The following NELL1 variants were observed in gnomAD, a reference collection of about 807,000 sequenced individuals.
NELL1 encodes the protein neural EGFL like 1, also known as protein kinase C-binding protein NELL1.
Under a neutral mutation model 107.4 loss-of-function variants are expected in NELL1, and 76 were observed. The ratio of observed to expected loss-of-function variants is 0.71; its 90% CI spans 0.59 to 0.86. The LOEUF (loss-of-function observed/expected upper bound fraction) is 0.86. Ranked by LOEUF, NELL1 falls within the 40% of genes least tolerant of loss-of-function variation. NELL1 has a pLI of 0.00. For missense variants in NELL1, 1,024 were observed against 1,005.5 expected, an observed-to-expected ratio of 1.02 and a Z score of -0.25; for synonymous variants, 353 against 341.2, an observed-to-expected ratio of 1.03 and a Z score of -0.38.
At chr11:20,751,198 T>A in intron 2 of NELL1, among the ~76,000 whole-genome samples, 1 of 152,132 alleles carries the variant, frequency 6.6e-6, no homozygotes, top group East Asian at 1.9e-4. Flanking sequence ...TGACTGCTTT[T>A]CTCTTCTAGG....
At chr11:20,799,844 C>T (rs1166420014) in intron 3 of NELL1, among the ~76,000 whole-genome samples, 1 of 152,058 alleles carries the variant, frequency 6.6e-6, no homozygotes, top group Non-Finnish European at 1.5e-5. Context: ...TTTTTTTAGC[C>T]CATATCCCCC....
chr11:20,979,797 C>T (rs990884798), intron 12 of NELL1, among the ~76,000 whole-genome samples: 1 of 152,208 alleles, frequency 6.6e-6, no homozygotes, highest in Admixed American at 6.5e-5. Context: ...TGAGCCTCTT[C>T]ATTTACAATG....
At chr11:20,708,062 A>T (rs1253005647) in intron 2 of NELL1, among the ~76,000 whole-genome samples, 1 of 152,208 alleles carries the variant, frequency 6.6e-6, no homozygotes, top group Non-Finnish European at 1.5e-5. Context: ...CCCCTCTCCC[A>T]GCCTCGCTGC....
chr11:21,373,913 T>C (rs1851410196), intron 15 of NELL1, among the ~76,000 whole-genome samples: 1 of 152,080 alleles, frequency 6.6e-6, no homozygotes, highest in Non-Finnish European at 1.5e-5. Context: ...GGAGTAGTTT[T>C]GCCACTCTTA....
chr11:21,221,579 G>A (rs1194815288), intron 13 of NELL1, among the ~76,000 whole-genome samples: 1 of 152,100 alleles, frequency 6.6e-6, no homozygotes, highest in Non-Finnish European at 1.5e-5. Context: ...GGTCTGTCCA[G>A]TTTTCCTATT....
At chr11:21,490,390 TC>T (rs1854769873) in intron 15 of NELL1, among the ~76,000 whole-genome samples, 1 of 144,504 alleles carries the variant, frequency 6.9e-6, no homozygotes, top group Admixed American at 7.1e-5. Flanking sequence ...TTCAATTCAA[TC>T]CCTATCGAAA....
rs367585890 is a variant in NELL1, at chr11:20,704,044, A to G, written c.184+25984A>G. On this transcript the variant is annotated intron_variant, in intron 2 of 19. Transcript: ENST00000357134. ...TCCGCTTGGTGTAGAGCTGAGTTCA[A>G]TTCCCGGGTATCCTTGTTAACTCTC... Among the ~76,000 whole-genome samples, 13 of 151,688 alleles carry G rather than the reference A, an allele frequency of 8.6e-5. No homozygotes were observed. In the South Asian group the frequency reaches 2.7e-3, roughly 32 times the overall value.
At chr11:21,131,273 G>A (rs1460233747) in intron 13 of NELL1, among the ~76,000 whole-genome samples, 1 of 152,044 alleles carries the variant, frequency 6.6e-6, no homozygotes, top group Non-Finnish European at 1.5e-5. Context: ...ATAGTTGTTT[G>A]GATTATTTAT....
intron 13 of NELL1, among the ~76,000 whole-genome samples, chr11:21,137,431 T>A (rs965764227): frequency 1.3e-5 from 2 of 152,204 alleles, no homozygotes; most frequent in African/African-American, 4.8e-5. Context: ...AATTCCATTG[T>A]ATTTGGCAAG....
intron 15 of NELL1, among the ~76,000 whole-genome samples, chr11:21,504,758 G>A (rs1306058582): frequency 1.3e-5 from 2 of 152,018 alleles, no homozygotes; most frequent in East Asian, 1.9e-4. Context: ...TCACTAGCTC[G>A]AAGCAGAGAA....
At chr11:21,304,480 T>C (rs1219870827) in intron 14 of NELL1, among the ~76,000 whole-genome samples, 1 of 151,918 alleles carries the variant, frequency 6.6e-6, no homozygotes, top group Non-Finnish European at 1.5e-5. Context: ...GGGAAAAGGA[T>C]TGGAATAGTG....
intron 15 of NELL1, among the ~76,000 whole-genome samples, chr11:21,521,106 T>G (rs1163647556): frequency 6.6e-6 from 1 of 152,230 alleles, no homozygotes; most frequent in Non-Finnish European, 1.5e-5. Context: ...GGCTTTATAC[T>G]TTTCTCTCTT....
chr11:20,956,474 G>A (rs552564442), intron 11 of NELL1, among the ~76,000 whole-genome samples: 61 of 151,636 alleles, frequency 4.0e-4, no homozygotes, highest in African/African-American at 1.3e-3. Context: ...GTGAAACCCC[G>A]TCTCTACTAA....
intron 15 of NELL1, among the ~76,000 whole-genome samples, chr11:21,438,937 T>C (rs1228909150): frequency 6.6e-6 from 1 of 151,900 alleles, no homozygotes; most frequent in East Asian, 1.9e-4. Flanking sequence ...TGCATTTTTT[T>C]GTCCTAATAT....
At position 20,669,809 on chromosome 11, in the gene NELL1, C is replaced by T. The variant is rs753109867; in HGVS notation, c.55+31C>T. On this transcript the variant is annotated intron_variant, in intron 1 of 19. Transcript: ENST00000357134. This position sits in a 1 kb window ranked among gnomAD's most constrained non-coding sequence, Gnocchi z 4.4. ...CATGACTGTGGCGGTTAGAGGGATC[C>T]GGGAAATGGGGGTGCCCACAGACCA... is the stretch of plus-strand genomic sequence containing the variant. The T allele has an allele frequency of 5.0e-6, 8 of 1,595,098 alleles. No homozygotes were observed. In the Admixed American group the frequency reaches 8.3e-5, roughly 17 times the overall value.
At chr11:21,235,628 A>T (rs1858186704) in intron 14 of NELL1, among the ~76,000 whole-genome samples, 1 of 152,168 alleles carries the variant, frequency 6.6e-6, no homozygotes, top group South Asian at 2.1e-4. Context: ...ATTTCTTTAG[A>T]ACTATTAGAT....
chr11:20,824,270 C>T (rs1345886146), intron 3 of NELL1, among the ~76,000 whole-genome samples: 1 of 151,336 alleles, frequency 6.6e-6, no homozygotes, highest in Non-Finnish European at 1.5e-5. Context: ...CCCAGCCAAG[C>T]TGAACTGTGA....
chr11:20,735,043 G>A (rs1438273995), intron 2 of NELL1, among the ~76,000 whole-genome samples: 4 of 152,100 alleles, frequency 2.6e-5, no homozygotes, highest in East Asian at 1.9e-4. Context: ...ACTGATCCCG[G>A]GATCTCTAGC....
intron 14 of NELL1, among the ~76,000 whole-genome samples, chr11:21,362,490 T>A (rs1296239277): frequency 1.3e-5 from 2 of 152,196 alleles, no homozygotes; most frequent in Non-Finnish European, 2.9e-5. Context: ...GCAGTGAAGT[T>A]GTCACATAGA....
Sources: gnomAD v4.1 joint callset for allele counts (sites outside exome capture counted in the v4.1 genomes callset) on GRCh38, gnomAD v4.1.1 for gene constraint, Gnocchi (gnomAD v3.1) non-coding constraint, MANE v1.5 for transcripts, NCBI Gene and HGNC (gene_info 2026-07-23, HGNC 2026-07-21) for gene names.